The following HTR2C variants were observed in gnomAD, a reference collection of about 807,000 sequenced individuals.
The protein encoded by HTR2C is 5-hydroxytryptamine receptor 2C.
HTR2C carries 5 observed loss-of-function variants against 21.0 expected under a neutral mutation model. The observed-to-expected ratio is 0.24, with a 90% confidence interval of 0.12 to 0.50. HTR2C has a LOEUF of 0.50. Among genes scored for constraint, HTR2C ranks in the 20% least tolerant of loss-of-function variants. The pLI, the probability that HTR2C is intolerant of heterozygous loss-of-function variation, is 0.98. For synonymous variants in HTR2C, 150 were observed against 145.3 expected, an observed-to-expected ratio of 1.03 and a Z score of -0.23; for missense variants, 271 against 371.2, an observed-to-expected ratio of 0.73 and a Z score of 2.22.
chrX:114,645,234 G>T (rs1464753793), intron 2 of HTR2C, among the ~76,000 whole-genome samples: 1 of 110,594 alleles, frequency 9.0e-6, no homozygotes, highest in Non-Finnish European at 1.9e-5. Flanking sequence ...CATTGAAAAA[G>T]ATGTATAAGT....
At chrX:114,858,110 T>C (rs2070977784) in intron 5 of HTR2C, among the ~76,000 whole-genome samples, 1 of 111,421 alleles carries the variant, frequency 9.0e-6, no homozygotes, top group African/African-American at 3.2e-5. Context: ...ACTATAGCTT[T>C]ATACTAAGTC....
chrX:114,779,401 A>G (rs1411972708), intron 4 of HTR2C, among the ~76,000 whole-genome samples: 1 of 57,372 alleles, frequency 1.7e-5, no homozygotes, highest in Non-Finnish European at 3.2e-5. Context: ...TACAACCATT[A>G]CAACCACAGA....
rs200666432 is a variant in HTR2C at position 114,692,576 on chromosome X, AT to A, written c.-79-34273del. Among the ~76,000 whole-genome samples, 292 of 108,753 alleles carry A rather than the reference AT, an allele frequency of 2.7e-3. 1 individual carries two copies. The highest frequency in any genetic ancestry group is 9.0e-3 in the African/African-American group (272 of 30,059). 94.4% of individuals were successfully genotyped at this position (108,753 alleles called of 115,157 possible). A position where few individuals can be genotyped will look rare whatever the true frequency, so the allele number is the denominator to read the frequency against. ...GTATCTGAATATATATATTCTTTAC[AT>A]TTTTTTTTGCCACTACTTTTGAGAT... On this transcript the variant is annotated intron_variant, in intron 2 of 5. Coordinates refer to ENST00000276198, the MANE Select transcript of HTR2C (RefSeq NM_000868.4).
intron 2 of HTR2C, among the ~76,000 whole-genome samples, chrX:114,621,119 G>C (rs1252640328): frequency 8.9e-6 from 1 of 112,059 alleles, no homozygotes; most frequent in Non-Finnish European, 1.9e-5. Context: ...GACCTCAAGT[G>C]TTCCACCTGT....
chrX:114,742,014 G>C (rs955860970), intron 4 of HTR2C, among the ~76,000 whole-genome samples: 2 of 111,146 alleles, frequency 1.8e-5, no homozygotes, highest in East Asian at 5.7e-4. Flanking sequence ...CTGACAAAAG[G>C]AGTCTCTATG....
chrX:114,652,489 G>T, intron 2 of HTR2C, among the ~76,000 whole-genome samples: 1 of 109,679 alleles, frequency 9.1e-6, no homozygotes, highest in African/African-American at 3.3e-5. Flanking sequence ...ATGGAATAGA[G>T]GTGGGAAATG....
intron 4 of HTR2C, among the ~76,000 whole-genome samples, chrX:114,833,983 T>A (rs1255382139): frequency 9.1e-6 from 1 of 110,307 alleles, no homozygotes; most frequent in African/African-American, 3.3e-5. Context: ...AGGAGCAGGT[T>A]GTTCAGTTTC....
chrX:114,602,545 C>T (rs1250870225), intron 1 of HTR2C, among the ~76,000 whole-genome samples: 5 of 74,980 alleles, frequency 6.7e-5, no homozygotes, highest in East Asian at 4.6e-4. Flanking sequence ...AGACGGAGGA[C>T]CATAAGGGAT....
chrX:114,734,292 A>C (rs1467160107), intron 4 of HTR2C, among the ~76,000 whole-genome samples: 1 of 111,060 alleles, frequency 9.0e-6, no homozygotes, highest in Admixed American at 9.6e-5. Flanking sequence ...AAATGATTAA[A>C]TGTATGTATG....
rs782065426 is a variant in HTR2C, at chrX:114,722,502, T to G, written c.-79-4356T>G. Among the ~76,000 whole-genome samples, 15 of 111,124 alleles carry G rather than the reference T, an allele frequency of 1.3e-4. No homozygotes were observed. In the East Asian group the frequency reaches 4.0e-3, roughly 30 times the overall value. ...TCCTCTTTTCCTAATTGAATACCCT[T>G]TATTTCCTTCTCCTGCCTGATCGCC... is the stretch of plus-strand genomic sequence containing the variant. On this transcript the variant is annotated intron_variant, in intron 2 of 5. Transcript: ENST00000276198.
chrX:114,638,799 G>A (rs1460719108), intron 2 of HTR2C, among the ~76,000 whole-genome samples: 1 of 103,961 alleles, frequency 9.6e-6, no homozygotes, highest in South Asian at 4.7e-4. Flanking sequence ...TCTTGTGATA[G>A]TTTACTGAGA....
intron 2 of HTR2C, among the ~76,000 whole-genome samples, chrX:114,699,158 G>C (rs1340280288): frequency 2.7e-5 from 3 of 111,610 alleles, no homozygotes; most frequent in Non-Finnish European, 5.6e-5. Flanking sequence ...TATTTTTATA[G>C]ATATTTTGCT....
chrX:114,591,849 T>A (rs1441634046), intron 1 of HTR2C, among the ~76,000 whole-genome samples: 2 of 111,888 alleles, frequency 1.8e-5, no homozygotes, highest in Non-Finnish European at 3.8e-5. Flanking sequence ...AAATAAGTAC[T>A]GTTAGACAGT....
chrX:114,870,567 G>A (rs782017050), intron 5 of HTR2C, among the ~76,000 whole-genome samples: 40 of 111,043 alleles, frequency 3.6e-4, no homozygotes, highest in African/African-American at 1.2e-3. Context: ...TCTTTACTGG[G>A]AGACTTTTTT....
intron 2 of HTR2C, among the ~76,000 whole-genome samples, chrX:114,676,655 T>C (rs1206553803): frequency 8.9e-6 from 1 of 112,416 alleles, no homozygotes; most frequent in Non-Finnish European, 1.9e-5. Context: ...TGAGAGTGTT[T>C]AAGTTGGAAT....
chrX:114,714,719 A>C (rs919951853), intron 2 of HTR2C, among the ~76,000 whole-genome samples: 5 of 111,796 alleles, frequency 4.5e-5, no homozygotes, highest in Non-Finnish European at 5.6e-5. Context: ...TAGCAAGAAA[A>C]CCCAATTCAC....
intron 4 of HTR2C, among the ~76,000 whole-genome samples, chrX:114,764,705 C>T (rs1556433798): frequency 2.7e-5 from 3 of 111,438 alleles, no homozygotes; most frequent in Non-Finnish European, 1.9e-5. Flanking sequence ...ATTCTACTGC[C>T]AACAATGGGA....
chrX:114,747,980 TAATG>T (rs782576074), intron 4 of HTR2C, among the ~76,000 whole-genome samples: 2 of 112,194 alleles, frequency 1.8e-5, no homozygotes, highest in African/African-American at 3.2e-5. Flanking sequence ...AACTGTGAAA[TAATG>T]AATGTTTTTA....
chrX:114,888,954 TATC>T (rs1556482266), intron 5 of HTR2C, among the ~76,000 whole-genome samples: 1 of 112,038 alleles, frequency 8.9e-6, no homozygotes, highest in Admixed American at 9.5e-5. Context: ...GTAAGCCAAA[TATC>T]TACGTTTTCA....
Sources: gnomAD v4.1 joint callset for allele counts (sites outside exome capture counted in the v4.1 genomes callset) on GRCh38, gnomAD v4.1.1 for gene constraint, MANE v1.5 for transcripts, NCBI Gene and HGNC (gene_info 2026-07-23, HGNC 2026-07-21) for gene names.